The following NDUFB3 variants were observed in gnomAD, a reference collection of about 807,000 sequenced individuals.
NDUFB3 encodes NADH dehydrogenase [ubiquinone] 1 beta subcomplex subunit 3.
NDUFB3 carries 7 observed loss-of-function variants against 9.0 expected under a neutral mutation model. That is an observed-to-expected ratio of 0.78 (90% CI 0.44 to 1.46). The LOEUF is 1.46. Ranked by LOEUF, NDUFB3 falls within the 40% of genes most tolerant of loss-of-function variation. The pLI, the probability that NDUFB3 is intolerant of heterozygous loss-of-function variation, is 0.01. For missense variants in NDUFB3, 93 were observed against 115.4 expected (o/e 0.81, Z 0.89); for synonymous variants, 29 against 38.5 (o/e 0.75, Z 0.91).
chr2:201,083,177 A>G (rs569450219), intron 2 of NDUFB3, among the ~76,000 whole-genome samples: 1 of 152,128 alleles, frequency 6.6e-6, no homozygotes, highest in Admixed American at 6.6e-5. Context: ...CACCACTACT[A>G]TAATGTTGAA....
intron 2 of NDUFB3, among the ~76,000 whole-genome samples, chr2:201,082,304 G>A (rs905598046): frequency 9.9e-5 from 15 of 151,640 alleles, no homozygotes; most frequent in Admixed American, 3.3e-4. Flanking sequence ...AGTCTCCGTC[G>A]CCCAGGATGG....
At position 201,078,988 on chromosome 2, in the gene NDUFB3, C is replaced by G. The variant is rs1437253750; in HGVS notation, c.106C>G (p.Leu36Val). 1 of 1,613,276 alleles carries G rather than the reference C, an allele frequency of 6.2e-7. No homozygotes were observed. Among genetic ancestry groups the G allele is most frequent in the Non-Finnish European group, 8.5e-7 (1 of 1,179,728 alleles). ...GTPLETIQKK[L>V]AAKGLRDPWG... The stretch of plus-strand genomic sequence containing the variant: ...ACCATTAGAAACTATCCAGAAGAAG[C>G]TGGCTGCAAAAGGGCTAAGGGATCC... Residue 36 changes from leucine to valine, a missense_variant, in exon 2 of 3, where the codon CTG becomes GTG. Transcript: ENST00000237889.
At chr2:201,083,355 T>C (rs949331769) in intron 2 of NDUFB3, among the ~76,000 whole-genome samples, 3 of 147,968 alleles carry the variant, frequency 2.0e-5, no homozygotes, top group African/African-American at 2.5e-5. Context: ...TTATTTCTTT[T>C]TTTTTTTTTT....
chr2:201,072,146 TGGA>T (rs1261646773), intron 1 of NDUFB3, 87 bp downstream of exon 1: 2 of 152,166 alleles, frequency 1.3e-5, no homozygotes, highest in East Asian at 3.8e-4. Flanking sequence ...AGAGACTAAA[TGGA>T]GAAGGATGGG....
chr2:201,081,196 T>C (rs1360000231), intron 2 of NDUFB3, among the ~76,000 whole-genome samples: 1 of 151,914 alleles, frequency 6.6e-6, no homozygotes, highest in Non-Finnish European at 1.5e-5. Context: ...TTCCCATCAA[T>C]TTAGGGGCCA....
intron 2 of NDUFB3, among the ~76,000 whole-genome samples, chr2:201,085,209 G>C (rs1490162042): frequency 6.6e-6 from 1 of 152,180 alleles, no homozygotes; most frequent in Non-Finnish European, 1.5e-5. Flanking sequence ...GCATTTGAGG[G>C]TTCTGTAAAA....
chr2:201,076,182 C>T (rs370146001), intron 1 of NDUFB3, among the ~76,000 whole-genome samples: 2 of 151,362 alleles, frequency 1.3e-5, no homozygotes, highest in African/African-American at 4.9e-5. Flanking sequence ...TTGAGAGTAT[C>T]GGTTTTCATT....
chr2:201,081,077 C>A (rs2047216710), intron 2 of NDUFB3, among the ~76,000 whole-genome samples: 1 of 152,012 alleles, frequency 6.6e-6, no homozygotes, highest in South Asian at 2.1e-4. Flanking sequence ...TTGGAATGAA[C>A]CTGACAATTT....
chr2:201,074,381 T>C (rs1254599800), intron 1 of NDUFB3, among the ~76,000 whole-genome samples: 1 of 151,924 alleles, frequency 6.6e-6, no homozygotes, highest in African/African-American at 2.4e-5. Flanking sequence ...GTGGCTACCA[T>C]ATTGGACAGT....
At chr2:201,080,551 CAG>C (rs1449024093) in intron 2 of NDUFB3, among the ~76,000 whole-genome samples, 1 of 151,988 alleles carries the variant, frequency 6.6e-6, no homozygotes, top group Non-Finnish European at 1.5e-5. Context: ...ACCTGGGCAA[CAG>C]AGAGAGACCT....
chr2:201,080,755 G>T (rs1369104296), intron 2 of NDUFB3, among the ~76,000 whole-genome samples: 1 of 147,272 alleles, frequency 6.8e-6, no homozygotes, highest in Non-Finnish European at 1.5e-5. Context: ...CCCAGGCTAG[G>T]GTGTGGTGGC....
Position 201,085,706 on chromosome 2 carries a change from G to A in NDUFB3, c.*91G>A, listed in dbSNP as rs1307818411. On this transcript the variant is annotated 3_prime_UTR_variant, in exon 3 of 3. Transcript: ENST00000237889. ...CTACTTGTCTGGTTTATCCCTTACA[G>A]AATATTAGTAAGATTTAATCAATTA... 9 of 1,013,588 alleles carry A rather than the reference G, an allele frequency of 8.9e-6. No homozygotes were observed. The highest frequency in any genetic ancestry group is 1.3e-5 in the Non-Finnish European group (9 of 716,240). 62.8% of individuals were successfully genotyped at this position (1,013,588 alleles called of 1,614,324 possible). A position where few individuals can be genotyped will look rare whatever the true frequency, so the allele number is the denominator to read the frequency against.
intron 1 of NDUFB3, among the ~76,000 whole-genome samples, chr2:201,075,178 T>C (rs2047148359): frequency 7.4e-6 from 1 of 135,006 alleles, no homozygotes; most frequent in African/African-American, 2.9e-5. Context: ...AGATCCTGTC[T>C]GAAAAAAAAA....
Position 201,080,680 on chromosome 2 carries a change from C to T in NDUFB3, c.140+1658C>T, listed in dbSNP as rs1197231236. 2.0e-5 allele frequency among the ~76,000 whole-genome samples: 3 copies of T among 148,576 alleles called. No individual in the cohort carries two copies. In the East Asian group the frequency reaches 6.0e-4, roughly 30 times the overall value. On this transcript the variant is annotated intron_variant, in intron 2 of 2. Coordinates refer to ENST00000237889, the MANE Select transcript of NDUFB3 (RefSeq NM_002491.3). ...CCAATACCACAGTGTCTTTAAATTACATAGCATAAGATCTCCAACTTTTTT... is the reference window on the plus strand; with the variant it reads ...CCAATACCACAGTGTCTTTAAATTATATAGCATAAGATCTCCAACTTTTTT...
chr2:201,083,743 G>A (rs376174339), intron 2 of NDUFB3, among the ~76,000 whole-genome samples: 100 of 152,238 alleles, frequency 6.6e-4, no homozygotes, highest in African/African-American at 2.3e-3. Flanking sequence ...TTAATATGGC[G>A]AGTTACTTCT....
chr2:201,078,712 T>C (rs943010457), intron 1 of NDUFB3, among the ~76,000 whole-genome samples, 169 bp from the exon 2 acceptor site: 2 of 152,198 alleles, frequency 1.3e-5, no homozygotes, highest in Non-Finnish European at 2.9e-5. Context: ...GTGAACATGG[T>C]TGTAGAATAA....
intron 1 of NDUFB3, 21 bp downstream of exon 1, chr2:201,072,080 G>GA (rs1395083045): frequency 6.6e-6 from 1 of 152,224 alleles, no homozygotes; most frequent in Non-Finnish European, 1.5e-5. Flanking sequence ...GAGTTGGTGG[G>GA]AGGCCCGTTG....
In NDUFB3 at chr2:201,085,732, A is replaced by AT; in HGVS notation, c.*117_*118insT. ...AATATTAGTAAGATTTAATCAATTA[A>AT]AATATATATATATGCCAATCTGCTT... is the stretch of plus-strand genomic sequence containing the variant. On this transcript the variant is annotated 3_prime_UTR_variant, in exon 3 of 3. Coordinates refer to ENST00000237889, the MANE Select transcript of NDUFB3 (RefSeq NM_002491.3). The AT allele has an allele frequency of 2.6e-6, 2 of 755,372 alleles. No homozygotes were observed. The highest frequency in any genetic ancestry group is 3.9e-6 in the Non-Finnish European group (2 of 509,338). The allele number at this position is 755,372 out of a possible 1,614,324, so 46.8% of individuals were successfully genotyped here.
intron 1 of NDUFB3, among the ~76,000 whole-genome samples, chr2:201,077,793 T>C (rs2047180608): frequency 6.6e-6 from 1 of 152,236 alleles, no homozygotes; most frequent in Non-Finnish European, 1.5e-5. Flanking sequence ...TGTACCTACA[T>C]AATTGCCTCA....
Sources: allele counts gnomAD v4.1 joint callset (sites outside exome capture counted in the v4.1 genomes callset), GRCh38; gene constraint gnomAD v4.1.1; transcripts MANE v1.5; gene names NCBI Gene and HGNC (gene_info 2026-07-23, HGNC 2026-07-21).